The following PCA3 variants were observed in gnomAD, a reference collection of about 807,000 sequenced individuals.
The protein encoded by PCA3 is prostate cancer associated 3.
At chr9:76,777,490 A>G (rs567525190) in intron 2 of PCA3, among the ~76,000 whole-genome samples, 1 of 152,322 alleles carries the variant, frequency 6.6e-6, no homozygotes, top group East Asian at 1.9e-4. Context: ...GACTGAAGAA[A>G]TGAATTTCAG....
chr9:76,766,375 C>T (rs10521472), intron 2 of PCA3, among the ~76,000 whole-genome samples: 12,225 of 151,956 alleles, frequency 0.08, 1,061 homozygotes, highest in African/African-American at 0.21. Flanking sequence ...TGGGAGAATA[C>T]GTTACTAATG....
chr9:76,774,462 T>TATTTATTTATTTATTTA (rs1554761662), intron 2 of PCA3, among the ~76,000 whole-genome samples: 1 of 104,252 alleles, frequency 9.6e-6, no homozygotes, highest in Admixed American at 9.6e-5. Flanking sequence ...TTTTTTTTTT[T>TATTTATTTATTTATTTA]TTTTTTTTTT....
At chr9:76,777,482 C>T (rs1311952374) in intron 2 of PCA3, among the ~76,000 whole-genome samples, 1 of 152,176 alleles carries the variant, frequency 6.6e-6, no homozygotes, top group East Asian at 1.9e-4. Context: ...TGCTGGCTGA[C>T]TGAAGAAATG....
At chr9:76,781,579 TTA>T (rs1226674715) in intron 2 of PCA3, among the ~76,000 whole-genome samples, 2 of 152,200 alleles carry the variant, frequency 1.3e-5, no homozygotes, top group African/African-American at 4.8e-5. Context: ...GTAAAATAGG[TTA>T]TATACATTTT....
intron 2 of PCA3, among the ~76,000 whole-genome samples, chr9:76,782,513 G>A (rs1248238771): frequency 6.6e-6 from 1 of 152,176 alleles, no homozygotes; most frequent in African/African-American, 2.4e-5. Context: ...CTTCTTTACA[G>A]AGTTCTTCTA....
chr9:76,772,343 T>A (rs1254306414), intron 2 of PCA3, among the ~76,000 whole-genome samples: 1 of 152,170 alleles, frequency 6.6e-6, no homozygotes, highest in Non-Finnish European at 1.5e-5. Flanking sequence ...ATTTTAATTT[T>A]TTTTTTAAAT....
intron 2 of PCA3, among the ~76,000 whole-genome samples, chr9:76,777,901 A>T (rs2053974295): frequency 6.6e-6 from 1 of 152,214 alleles, no homozygotes; most frequent in Non-Finnish European, 1.5e-5. Context: ...GAGAGGGGAC[A>T]GCAGGTACAA....
At chr9:76,766,629 G>A (rs58172465) in intron 2 of PCA3, among the ~76,000 whole-genome samples, 12,227 of 151,820 alleles carry the variant, frequency 0.081, 1,060 homozygotes, top group African/African-American at 0.21. Flanking sequence ...TACCTCCCTC[G>A]TTTCATCCTG....
At chr9:76,781,862 G>C (rs1368798921) in intron 2 of PCA3, among the ~76,000 whole-genome samples, 3 of 152,182 alleles carry the variant, frequency 2.0e-5, no homozygotes, top group Non-Finnish European at 4.4e-5. Flanking sequence ...ACAGCAAAAT[G>C]AATGGAGATG....
At chr9:76,780,197 A>G (rs957861053) in intron 2 of PCA3, among the ~76,000 whole-genome samples, 3 of 152,230 alleles carry the variant, frequency 2.0e-5, no homozygotes, top group Non-Finnish European at 4.4e-5. Context: ...CGATAGCTAC[A>G]TGACCCAATT....
chr9:76,774,663 T>C (rs2131029941), intron 2 of PCA3, among the ~76,000 whole-genome samples: 1 of 152,092 alleles, frequency 6.6e-6, no homozygotes, highest in East Asian at 1.9e-4. Context: ...TTCACCATAT[T>C]GGTCAGGCTG....
At chr9:76,786,496 C>T (rs532288406) in intron 2 of PCA3, 1 of 152,358 alleles carries the variant, frequency 6.6e-6, no homozygotes, top group South Asian at 2.1e-4. Context: ...ATTATGGATG[C>T]TAGCTTCTGG....
intron 2 of PCA3, chr9:76,785,117 T>C (rs2054839275): frequency 6.6e-6 from 1 of 152,304 alleles, no homozygotes; most frequent in African/African-American, 2.4e-5. Flanking sequence ...CAGCCTTATC[T>C]GTCATCACCA....
intron 2 of PCA3, among the ~76,000 whole-genome samples, chr9:76,768,336 G>T (rs2052661700): frequency 6.6e-6 from 1 of 152,130 alleles, no homozygotes; most frequent in Admixed American, 6.6e-5. Context: ...GGGATTACAG[G>T]CCTGCGCCAC....
intron 2 of PCA3, chr9:76,785,239 T>G (rs961869523): frequency 5.9e-5 from 9 of 152,214 alleles, no homozygotes; most frequent in African/African-American, 2.2e-4. Context: ...AAATCTAGAA[T>G]GATGTAAAGT....
At chr9:76,783,831 C>A (rs1266776932) in intron 2 of PCA3, 1 of 152,158 alleles carries the variant, frequency 6.6e-6, no homozygotes, top group African/African-American at 2.4e-5. Flanking sequence ...TGTTTTTGCA[C>A]ATTTCCAGCC....
At chr9:76,778,087 G>A (rs994706637) in intron 2 of PCA3, among the ~76,000 whole-genome samples, 4 of 152,164 alleles carry the variant, frequency 2.6e-5, no homozygotes, top group African/African-American at 9.7e-5. Flanking sequence ...TTATTCTAAG[G>A]AGCTTTTAAA....
chr9:76,773,617 T>C (rs1358061069), intron 2 of PCA3, among the ~76,000 whole-genome samples: 1 of 152,086 alleles, frequency 6.6e-6, no homozygotes. Context: ...CTAATTTTTG[T>C]ACTTTTAGTA....
chr9:76,770,230 T>A (rs1004703943), intron 2 of PCA3, among the ~76,000 whole-genome samples: 2 of 152,162 alleles, frequency 1.3e-5, no homozygotes, highest in African/African-American at 4.8e-5. Flanking sequence ...CTTACACTTG[T>A]TTTCATTTAA....
Sources: allele counts gnomAD v4.1 joint callset (sites outside exome capture counted in the v4.1 genomes callset), GRCh38; gene constraint gnomAD v4.1.1; transcripts MANE v1.5; gene names NCBI Gene and HGNC (gene_info 2026-07-23, HGNC 2026-07-21).